The following MYOCOS variants were observed in gnomAD, a reference collection of about 807,000 sequenced individuals.
MYOCOS encodes the protein myocilin opposite strand protein.
Position 171,626,535 on chromosome 1 carries a change from C to A in MYOCOS, c.177C>A (p.His59Gln). Residue 59 changes from histidine (H) to glutamine (Q), a missense_variant, in exon 3 of 3, where the codon CAC (histidine) becomes CAA (glutamine). His to Gln is a conservative substitution (Grantham distance 24). Transcript: ENST00000637642. ...ATTTGGAGCAAGCCCCTCCCCCTCA[C>A]AGGACCTACCTCACAGTACCTCCTG... ...HLDLEQAPPPHRTYLTVPPAP... is the reference protein window; with the variant it reads ...HLDLEQAPPPQRTYLTVPPAP... The A allele has an allele frequency of 2.5e-6, 1 of 398,680 alleles. No individual in the cohort carries two copies. The highest frequency in any genetic ancestry group is 4.4e-6 in the Non-Finnish European group (1 of 226,082). The allele number at this position is 398,680 out of a possible 1,614,324, so 24.7% of individuals were successfully genotyped here. A position where few individuals can be genotyped will look rare whatever the true frequency, so the allele number is the denominator to read the frequency against.
At chr1:171,616,277 C>T (rs960075014) in intron 2 of MYOCOS, among the ~76,000 whole-genome samples, 5 of 150,410 alleles carry the variant, frequency 3.3e-5, no homozygotes, top group East Asian at 2.0e-4. Context: ...CAGTGGCTCA[C>T]GCCTGTAATC....
chr1:171,619,443 C>T (rs235864), upstream of MYOCOS, among the ~76,000 whole-genome samples: 95,096 of 152,034 alleles, frequency 0.63, 29,815 homozygotes, highest in Middle Eastern at 0.72. Context: ...TCACTTTCGA[C>T]GTATCTGAAC....
upstream of MYOCOS, among the ~76,000 whole-genome samples, chr1:171,620,984 G>A (rs1284755605): frequency 6.6e-6 from 1 of 151,918 alleles, no homozygotes; most frequent in African/African-American, 2.4e-5. Flanking sequence ...TGGCCAGGAT[G>A]GTCTCGATCT....
intron 2 of MYOCOS, among the ~76,000 whole-genome samples, chr1:171,615,585 A>C (rs1034915284): frequency 6.6e-6 from 1 of 152,210 alleles, no homozygotes; most frequent in Admixed American, 6.5e-5. Context: ...TTAAAAATCA[A>C]CTCATAACTT....
At chr1:171,608,408 C>CTTTT (rs34773729) in intron 1 of MYOCOS, among the ~76,000 whole-genome samples, 1,165 of 51,374 alleles carry the variant, frequency 0.023, 400 homozygotes, top group African/African-American at 0.095. Context: ...GGGAACCAGA[C>CTTTT]TTTTTTTTTT....
chr1:171,615,415 G>A (rs921410307), intron 2 of MYOCOS, among the ~76,000 whole-genome samples: 27 of 152,116 alleles, frequency 1.8e-4, no homozygotes, highest in African/African-American at 6.3e-4. Context: ...TAGATTTGGC[G>A]CTTGTGCTGC....
At chr1:171,601,954 A>G (rs186138401) in intron 1 of MYOCOS, among the ~76,000 whole-genome samples, 18 of 152,314 alleles carry the variant, frequency 1.2e-4, no homozygotes, top group African/African-American at 2.6e-4. Context: ...GAAGTTTGCT[A>G]AAAGTTAACA....
rs1023325168 is a variant in MYOCOS at position 171,626,585 on chromosome 1, A to G, written c.227A>G (p.Asp76Gly). 1.0e-5 allele frequency: 4 copies of G among 398,432 alleles called. No individual in the cohort carries two copies. The highest frequency in any genetic ancestry group is 6.2e-5 in the African/African-American group (3 of 48,622). 24.7% of individuals were successfully genotyped at this position (398,432 alleles called of 1,614,324 possible). A position where few individuals can be genotyped will look rare whatever the true frequency, so the allele number is the denominator to read the frequency against. ...PPAPPPSPAE[D>G]PTVS ...GCCCCACCTCCTTCTCCAGCTGAGG[A>G]TCCCACGGTCTCCTAAGATGTAAAA... The change falls in exon 3 of 3, where the codon GAT becomes GGT. Residue 76 changes from aspartate to glycine, a missense_variant. Physicochemically the swap from Asp to Gly is moderately conservative, Grantham distance 94 (BLOSUM62 -1). Coordinates refer to ENST00000637642, the MANE Select transcript of MYOCOS (RefSeq NM_001391940.1).
intron 2 of MYOCOS, among the ~76,000 whole-genome samples, chr1:171,625,652 AG>A (rs1343582739): frequency 1.3e-5 from 2 of 152,152 alleles, no homozygotes; most frequent in Non-Finnish European, 2.9e-5. Flanking sequence ...GCAGAAGGGG[AG>A]GCGAACCCCA....
At chr1:171,602,300 G>A (rs1652159102) in intron 1 of MYOCOS, among the ~76,000 whole-genome samples, 2 of 152,068 alleles carry the variant, frequency 1.3e-5, no homozygotes, top group African/African-American at 2.4e-5. Context: ...GGCCTCCTGA[G>A]TACTGTTTAA....
chr1:171,607,392 G>T (rs1041805009), intron 1 of MYOCOS, among the ~76,000 whole-genome samples: 2 of 152,114 alleles, frequency 1.3e-5, no homozygotes, highest in Non-Finnish European at 2.9e-5. Context: ...TTAGGCCATT[G>T]TTTCTCTCTC....
At chr1:171,604,770 T>C (rs1652213763) in intron 1 of MYOCOS, among the ~76,000 whole-genome samples, 1 of 152,286 alleles carries the variant, frequency 6.6e-6, no homozygotes, top group Admixed American at 6.5e-5. Context: ...GTAAGATGTG[T>C]CAATACTAGT....
At chr1:171,608,407 A>ATTTT (rs1652293515) in intron 1 of MYOCOS, among the ~76,000 whole-genome samples, 11 of 67,886 alleles carry the variant, frequency 1.6e-4, no homozygotes, top group African/African-American at 8.9e-4. Context: ...AGGGAACCAG[A>ATTTT]CTTTTTTTTT....
chr1:171,620,686 C>T (rs549272957), upstream of MYOCOS, among the ~76,000 whole-genome samples: 1 of 152,092 alleles, frequency 6.6e-6, no homozygotes, highest in East Asian at 1.9e-4. Flanking sequence ...ATTTTAAATT[C>T]ACCTGTAGCC....
At chr1:171,603,777 AAAC>A (rs1187588727) in intron 1 of MYOCOS, among the ~76,000 whole-genome samples, 1 of 152,240 alleles carries the variant, frequency 6.6e-6, no homozygotes, top group Non-Finnish European at 1.5e-5. Flanking sequence ...CTATCTCTCA[AAAC>A]AACTAGACAG....
chr1:171,626,001 G>T (rs1652687303), intron 2 of MYOCOS, among the ~76,000 whole-genome samples: 1 of 152,164 alleles, frequency 6.6e-6, no homozygotes, highest in Admixed American at 6.5e-5. Flanking sequence ...AGGTGAGTAT[G>T]GGTGGAGGAG....
upstream of MYOCOS, among the ~76,000 whole-genome samples, chr1:171,619,248 T>C (rs990578692): frequency 3.3e-5 from 5 of 152,230 alleles, no homozygotes; most frequent in Admixed American, 6.5e-5. Context: ...TTCATTATCA[T>C]CAATGTAAAG....
chr1:171,602,539 A>C (rs12409068), intron 1 of MYOCOS, among the ~76,000 whole-genome samples: 22,529 of 152,154 alleles, frequency 0.15, 2,267 homozygotes, highest in East Asian at 0.42. Context: ...TAAAGTAAAA[A>C]TGCAACAGGT....
At chr1:171,602,227 T>A (rs576797884) in intron 1 of MYOCOS, among the ~76,000 whole-genome samples, 1 of 152,010 alleles carries the variant, frequency 6.6e-6, no homozygotes, top group Non-Finnish European at 1.5e-5. Context: ...TGTGCGAAAG[T>A]CGTGAAAGAA....
Sources: gnomAD v4.1 joint callset for allele counts (sites outside exome capture counted in the v4.1 genomes callset) on GRCh38, gnomAD v4.1.1 for gene constraint, MANE v1.5 for transcripts, NCBI Gene and HGNC (gene_info 2026-07-23, HGNC 2026-07-21) for gene names.